Variants in ADGRG7 observed in about 807,000 individuals in gnomAD.
The protein encoded by ADGRG7 is G-protein coupled receptor 128.
In ADGRG7, 82 loss-of-function variants were observed where a neutral mutation model predicts 88.6. The observed-to-expected ratio is 0.93, with a 90% CI of 0.77 to 1.11. The LOEUF is 1.11. ADGRG7 is among the 50% of genes most tolerant of loss of function. The probability of loss-of-function intolerance (pLI) is 0.00; values close to 1 mark genes in which losing one functional copy is unlikely to be tolerated. For synonymous variants in ADGRG7, 381 were observed against 345.2 expected (o/e 1.10, Z -1.15); for missense variants, 945 against 953.4 (o/e 0.99, Z 0.12).
At position 100,648,833 on chromosome 3, in the gene ADGRG7, T is replaced by C. The variant is rs139039783; in HGVS notation, c.1267-862T>C. On this transcript the variant is annotated intron_variant, in intron 10 of 15. Transcript: ENST00000273352. ...AAGTACAGATAAGCAAAATGAACTA[T>C]ACATATCCAACCCACCCTGTGACCA... Among the ~76,000 whole-genome samples the C allele has an allele frequency of 6.8e-4, 104 of 152,252 alleles. 1 individual carries two copies. In the East Asian group the frequency reaches 0.016, roughly 24 times the overall value.
chr3:100,684,993 T>C (rs2094979734), intron 15 of ADGRG7, among the ~76,000 whole-genome samples: 1 of 152,164 alleles, frequency 6.6e-6, no homozygotes, highest in African/African-American at 2.4e-5. Flanking sequence ...ATATTTATAA[T>C]ACTAGATTAT....
intron 8 of ADGRG7, among the ~76,000 whole-genome samples, chr3:100,645,104 G>C (rs1266661444): frequency 6.6e-6 from 1 of 152,140 alleles, no homozygotes; most frequent in South Asian, 2.1e-4. Context: ...TATCACTTGT[G>C]AAAGACAACA....
At chr3:100,662,955 A>C (rs1239696474) in intron 14 of ADGRG7, among the ~76,000 whole-genome samples, 1 of 152,184 alleles carries the variant, frequency 6.6e-6, no homozygotes, top group Admixed American at 6.5e-5. Flanking sequence ...CAAATGTTTG[A>C]GAACATTTTA....
At chr3:100,654,627 T>C in intron 11 of ADGRG7, 1 of 486,624 alleles carries the variant, frequency 2.1e-6, no homozygotes, top group Non-Finnish European at 3.6e-6. Flanking sequence ...CTGTATCCTT[T>C]AACTCATGAC....
intron 13 of ADGRG7, among the ~76,000 whole-genome samples, chr3:100,656,489 TAAC>T (rs1267299045): frequency 6.6e-6 from 1 of 152,230 alleles, no homozygotes; most frequent in Non-Finnish European, 1.5e-5. Context: ...TTATCATACA[TAAC>T]AAATTCTTCC....
chr3:100,629,777 A>G, intron 2 of ADGRG7, 66 bp downstream of exon 2: 2 of 1,057,204 alleles, frequency 1.9e-6, no homozygotes, highest in Non-Finnish European at 2.9e-6. Context: ...AAGAATAGCA[A>G]TAAAGCTTCT....
chr3:100,626,223 T>C (rs1425020662), intron 1 of ADGRG7, among the ~76,000 whole-genome samples: 1 of 152,204 alleles, frequency 6.6e-6, no homozygotes, highest in Non-Finnish European at 1.5e-5. Flanking sequence ...TTTGGCTTCT[T>C]GTTTTAGTCT....
chr3:100,652,598 TAAGG>T (rs2094931385), intron 11 of ADGRG7, among the ~76,000 whole-genome samples: 1 of 152,162 alleles, frequency 6.6e-6, no homozygotes, highest in Non-Finnish European at 1.5e-5. Context: ...CTTTAAGCAA[TAAGG>T]AAAATAATAC....
intron 15 of ADGRG7, among the ~76,000 whole-genome samples, chr3:100,687,566 A>T (rs1211482835): frequency 6.6e-6 from 1 of 152,054 alleles, no homozygotes; most frequent in African/African-American, 2.4e-5. Flanking sequence ...TACCTAATTT[A>T]TTGAGAGTTT....
intron 11 of ADGRG7, among the ~76,000 whole-genome samples, chr3:100,653,432 C>A (rs1007853671): frequency 6.6e-6 from 1 of 152,152 alleles, no homozygotes; most frequent in Non-Finnish European, 1.5e-5. Flanking sequence ...GAGACTTTTT[C>A]TCTACATTTA....
intron 1 of ADGRG7, among the ~76,000 whole-genome samples, chr3:100,628,256 G>T (rs1313491034): frequency 6.6e-6 from 1 of 151,834 alleles, no homozygotes; most frequent in Non-Finnish European, 1.5e-5. Context: ...ATGCCTTCAA[G>T]TAGTTTTTTT....
intron 14 of ADGRG7, among the ~76,000 whole-genome samples, chr3:100,668,538 A>G (rs1160404478): frequency 6.6e-6 from 1 of 152,162 alleles, no homozygotes; most frequent in Non-Finnish European, 1.5e-5. Context: ...GAAGAAGATC[A>G]CTCTGCATCT....
chr3:100,694,558 T>G (rs1004459040), intron 15 of ADGRG7, among the ~76,000 whole-genome samples, 186 bp from the exon 16 acceptor site: 9 of 152,190 alleles, frequency 5.9e-5, no homozygotes, highest in African/African-American at 2.2e-4. Flanking sequence ...TGTAGGTCTT[T>G]GTATATGGGA....
intron 1 of ADGRG7, among the ~76,000 whole-genome samples, chr3:100,615,692 A>T (rs1707215177): frequency 6.6e-6 from 1 of 152,226 alleles, no homozygotes; most frequent in African/African-American, 2.4e-5. Context: ...CAAACATAGA[A>T]GTTACAAATA....
intron 14 of ADGRG7, among the ~76,000 whole-genome samples, chr3:100,664,416 G>A (rs2094949337): frequency 6.6e-6 from 1 of 152,060 alleles, no homozygotes; most frequent in Admixed American, 6.6e-5. Context: ...TTTCCATAAG[G>A]AGAAAAGCTA....
rs1156297242 is a variant in ADGRG7, at chr3:100,633,383, C to T, written c.447+6C>T. ...TGGAAACCCTGGAAAAGCAGGTATG[C>T]CATATGACTCACTGATGGGCAACTG... On this transcript the variant is annotated splice_donor_region_variant and intron_variant, in intron 4 of 15. Coordinates refer to ENST00000273352, the MANE Select transcript of ADGRG7 (RefSeq NM_032787.3). 6.6e-7 allele frequency: 1 copy of T among 1,505,186 alleles called. No individual in the cohort carries two copies. Among genetic ancestry groups the T allele is most frequent in the Non-Finnish European group, 9.0e-7 (1 of 1,105,050 alleles). The allele number at this position is 1,505,186 out of a possible 1,614,324, so 93.2% of individuals were successfully genotyped here.
At position 100,694,781 on chromosome 3, in the gene ADGRG7, A is replaced by G. The variant is rs372869439; in HGVS notation, c.2174A>G (p.Lys725Arg). The change falls in exon 16 of 16, where the codon AAA (lysine) becomes AGA (arginine). Residue 725 changes from lysine (K) to arginine (R), a missense_variant. Physicochemically the swap from Lys to Arg is conservative, Grantham distance 26. Coordinates refer to ENST00000273352, the MANE Select transcript of ADGRG7 (RefSeq NM_032787.3). Reference protein sequence around the residue: ...QIFILYTVRTKVFQSEASKVL... With the variant: ...QIFILYTVRTRVFQSEASKVL... The stretch of plus-strand genomic sequence containing the variant: ...TTTATCCTGTACACTGTTAGAACAA[A>G]AGTCTTCCAGAGTGAAGCTTCCAAA... The G allele has an allele frequency of 2.5e-6, 4 of 1,614,018 alleles. No individual in the cohort carries two copies. In the African/African-American group the frequency reaches 5.3e-5, roughly 22 times the overall value.
At chr3:100,669,418 T>C (rs528380669) in intron 15 of ADGRG7, among the ~76,000 whole-genome samples, 338 of 150,986 alleles carry the variant, frequency 2.2e-3, no homozygotes, top group African/African-American at 7.6e-3. Context: ...TGTAATCTCC[T>C]CCTGTAGTCT....
chr3:100,678,816 C>A (rs140589910), intron 15 of ADGRG7, among the ~76,000 whole-genome samples: 39 of 152,300 alleles, frequency 2.6e-4, no homozygotes, highest in Admixed American at 4.6e-4. Flanking sequence ...CTCTCTCTCT[C>A]TGTCTCTCTC....
Sources: allele counts gnomAD v4.1 joint callset (sites outside exome capture counted in the v4.1 genomes callset), GRCh38; gene constraint gnomAD v4.1.1; transcripts MANE v1.5; gene names NCBI Gene and HGNC (gene_info 2026-07-23, HGNC 2026-07-21).